The following ZFAND4 variants were observed in gnomAD, a reference collection of about 807,000 sequenced individuals.
ZFAND4 encodes the protein zinc finger AN1-type containing 4.
A neutral mutation model predicts 64.4 loss-of-function variants in ZFAND4; 43 were observed. The observed-to-expected ratio is 0.67, with a 90% confidence interval of 0.52 to 0.86. ZFAND4 has a LOEUF of 0.86. Among genes scored for constraint, ZFAND4 ranks in the 40% least tolerant of loss-of-function variants. The pLI is 0.00. For missense variants in ZFAND4, 929 were observed against 859.8 expected (o/e 1.08, Z -1.01); for synonymous variants, 296 against 305.7 (o/e 0.97, Z 0.33).
intron 6 of ZFAND4, among the ~76,000 whole-genome samples, chr10:45,631,942 T>G (rs1362343017): frequency 6.6e-6 from 1 of 152,240 alleles, no homozygotes; most frequent in African/African-American, 2.4e-5. Flanking sequence ...AGAAAAGGGT[T>G]TGAACATCGA....
intron 4 of ZFAND4, chr10:45,651,511 G>C (rs1283077823): frequency 6.5e-6 from 3 of 464,606 alleles, no homozygotes; most frequent in Non-Finnish European, 1.3e-5. Context: ...TATATTCTGA[G>C]AAAGGATGCA....
intron 1 of ZFAND4, among the ~76,000 whole-genome samples, chr10:45,670,492 G>A (rs543789585): frequency 2.6e-5 from 4 of 152,112 alleles, no homozygotes; most frequent in South Asian, 4.2e-4. Context: ...CGCCTGCCTC[G>A]GCCTCCCAAA....
chr10:45,631,713 T>A (rs1373729654), intron 6 of ZFAND4, among the ~76,000 whole-genome samples: 1 of 152,162 alleles, frequency 6.6e-6, no homozygotes, highest in Non-Finnish European at 1.5e-5. Flanking sequence ...TTAAGGCTAA[T>A]GTTTCTAGCA....
chr10:45,649,239 C>A (rs74876288), intron 4 of ZFAND4, among the ~76,000 whole-genome samples: 3,553 of 150,782 alleles, frequency 0.024, 137 homozygotes, highest in African/African-American at 0.081. Flanking sequence ...CTATCTTTTT[C>A]TTTCTGGTTT....
rs1470650161 is a variant in ZFAND4 at position 45,651,972 on chromosome 10, T to C, written c.322A>G (p.Arg108Gly). Residue 108 changes from arginine to glycine, a missense_variant, in exon 4 of 10, where the codon AGA becomes GGA. Transcript: ENST00000344646. ...LAMRGGPINT[R>G]RVPTDDPLRK... ...AATATATATATATGCCTACCTCTTC[T>C]AGTATTTATAGGTCCGCCACGCATA... is the stretch of plus-strand genomic sequence containing the variant. 2 of 1,613,458 alleles carry C rather than the reference T, an allele frequency of 1.2e-6. No homozygotes were observed. The highest frequency in any genetic ancestry group is 8.5e-7 in the Non-Finnish European group (1 of 1,179,472).
intron 6 of ZFAND4, among the ~76,000 whole-genome samples, chr10:45,638,279 C>T (rs145431145): frequency 0.013 from 1,911 of 148,560 alleles, 154 homozygotes; most frequent in Admixed American, 0.12. Context: ...GTCAGGAGAT[C>T]GAGACCAACT....
chr10:45,667,265 T>G (rs1474944038), intron 1 of ZFAND4, among the ~76,000 whole-genome samples: 3 of 152,198 alleles, frequency 2.0e-5, no homozygotes, highest in Non-Finnish European at 4.4e-5. Context: ...GATTGCTCAT[T>G]GCTGGTTTAT....
intron 8 of ZFAND4, among the ~76,000 whole-genome samples, chr10:45,621,456 G>A (rs538785340): frequency 1.3e-5 from 2 of 151,566 alleles, no homozygotes; most frequent in Non-Finnish European, 2.9e-5. Context: ...GAAAACTGAG[G>A]TTAAGGCCAG....
chr10:45,656,921 G>A (rs2048161668), intron 2 of ZFAND4, among the ~76,000 whole-genome samples: 1 of 151,908 alleles, frequency 6.6e-6, no homozygotes, highest in African/African-American at 2.4e-5. Flanking sequence ...CTGTGGATTA[G>A]TAATCTTGGA....
At chr10:45,647,856 A>G (rs990884638) in intron 5 of ZFAND4, among the ~76,000 whole-genome samples, 10 of 152,162 alleles carry the variant, frequency 6.6e-5, no homozygotes, top group African/African-American at 2.4e-4. Context: ...TAATTCTTCT[A>G]TTGCTTAGCT....
intron 6 of ZFAND4, among the ~76,000 whole-genome samples, chr10:45,638,645 T>C (rs1271608094): frequency 6.6e-6 from 1 of 152,114 alleles, no homozygotes; most frequent in Non-Finnish European, 1.5e-5. Context: ...CCAAAGAATG[T>C]ATGAGAATAT....
chr10:45,644,610 G>A (rs2047244868), intron 5 of ZFAND4, among the ~76,000 whole-genome samples: 1 of 152,158 alleles, frequency 6.6e-6, no homozygotes, highest in Non-Finnish European at 1.5e-5. Flanking sequence ...TATGTCCTGA[G>A]AAAATAAAGT....
chr10:45,622,074 T>C (rs1415071002), intron 8 of ZFAND4, among the ~76,000 whole-genome samples: 1 of 152,144 alleles, frequency 6.6e-6, no homozygotes, highest in Non-Finnish European at 1.5e-5. Flanking sequence ...CAGAGTTATG[T>C]GTCAACGAAA....
intron 2 of ZFAND4, among the ~76,000 whole-genome samples, chr10:45,661,248 T>A (rs2048453530): frequency 6.6e-6 from 1 of 152,180 alleles, no homozygotes; most frequent in African/African-American, 2.4e-5. Context: ...ACAGAGAGAT[T>A]AAGTAATTTG....
chr10:45,623,720 C>T (rs2045599371), intron 8 of ZFAND4, among the ~76,000 whole-genome samples: 1 of 151,976 alleles, frequency 6.6e-6, no homozygotes, highest in African/African-American at 2.4e-5. Context: ...GGATCCCCAA[C>T]AATGTGAAAG....
At chr10:45,627,478 A>C (rs2133582021) in intron 6 of ZFAND4, among the ~76,000 whole-genome samples, 1 of 151,918 alleles carries the variant, frequency 6.6e-6, no homozygotes, top group Non-Finnish European at 1.5e-5. Flanking sequence ...CACAGAAAAA[A>C]AGTTATCAAT....
At chr10:45,629,864 A>G (rs1352000308) in intron 6 of ZFAND4, among the ~76,000 whole-genome samples, 2 of 152,124 alleles carry the variant, frequency 1.3e-5, no homozygotes. Context: ...CCCCATGTCA[A>G]AAAATAAAAA....
chr10:45,639,226 TG>T (rs2046828544), intron 6 of ZFAND4, among the ~76,000 whole-genome samples: 1 of 150,956 alleles, frequency 6.6e-6, no homozygotes, highest in South Asian at 2.1e-4. Flanking sequence ...AATAGAAAAA[TG>T]GAAAAATATA....
intron 1 of ZFAND4, among the ~76,000 whole-genome samples, chr10:45,668,757 C>T (rs886202219): frequency 6.6e-6 from 1 of 152,172 alleles, no homozygotes; most frequent in Non-Finnish European, 1.5e-5. Context: ...CTCAAAACTG[C>T]ACAACTACAT....
Sources: allele counts gnomAD v4.1 joint callset (sites outside exome capture counted in the v4.1 genomes callset), GRCh38; gene constraint gnomAD v4.1.1; transcripts MANE v1.5; gene names NCBI Gene and HGNC (gene_info 2026-07-23, HGNC 2026-07-21).